The following TAFA1 variants were observed in gnomAD, a reference collection of about 807,000 sequenced individuals.
TAFA1 encodes chemokine-like protein TAFA-1.
A neutral mutation model predicts 18.5 loss-of-function variants in TAFA1; 4 were observed. The ratio of observed to expected loss-of-function variants is 0.22; its 90% confidence interval spans 0.11 to 0.49. The LOEUF is 0.49. TAFA1 is among the 20% of genes least tolerant of loss of function. The pLI, the probability that TAFA1 is intolerant of heterozygous loss-of-function variation, is 0.98. For missense variants in TAFA1, 147 were observed against 169.0 expected (o/e 0.87, Z 0.72); for synonymous variants, 56 against 55.2 (o/e 1.01, Z -0.06).
At chr3:68,309,023 A>G (rs1406333705) in intron 2 of TAFA1, among the ~76,000 whole-genome samples, 1 of 151,920 alleles carries the variant, frequency 6.6e-6, no homozygotes, top group Non-Finnish European at 1.5e-5. Context: ...CAGAAACCTT[A>G]CCCTTGATCT....
chr3:68,062,542 C>A (rs1048636115), intron 2 of TAFA1, among the ~76,000 whole-genome samples: 3 of 152,154 alleles, frequency 2.0e-5, no homozygotes, highest in African/African-American at 7.2e-5. Flanking sequence ...AAAGCAGGTT[C>A]TTGACCAAAC....
intron 2 of TAFA1, among the ~76,000 whole-genome samples, chr3:68,284,104 G>A (rs2067954131): frequency 6.6e-6 from 1 of 152,146 alleles, no homozygotes; most frequent in Non-Finnish European, 1.5e-5. Flanking sequence ...TTGAAAGACA[G>A]AAGAATTAAA....
At chr3:68,170,406 C>CA (rs1267301960) in intron 2 of TAFA1, among the ~76,000 whole-genome samples, 2 of 152,206 alleles carry the variant, frequency 1.3e-5, no homozygotes, top group Admixed American at 6.5e-5. Context: ...GGGTGTTTGT[C>CA]AAAAATAATC....
chr3:68,227,809 TG>T (rs1211512904), intron 2 of TAFA1, among the ~76,000 whole-genome samples: 1 of 152,188 alleles, frequency 6.6e-6, no homozygotes, highest in Non-Finnish European at 1.5e-5. Context: ...TGGGAGCATC[TG>T]GGGCTTTTCA....
intron 2 of TAFA1, chr3:68,145,061 T>C: frequency 6.2e-7 from 1 of 1,601,968 alleles, no homozygotes; most frequent in Non-Finnish European, 8.6e-7. Context: ...GCTGGATCAG[T>C]GCGAGAACCA....
intron 3 of TAFA1, among the ~76,000 whole-genome samples, chr3:68,477,450 C>T (rs1559685677): frequency 2.0e-5 from 3 of 152,130 alleles, no homozygotes; most frequent in Non-Finnish European, 1.5e-5. Flanking sequence ...TCTCAGCTAA[C>T]TGCAACCTCC....
chr3:67,993,586 A>G, the TAFA1 span, among the ~76,000 whole-genome samples: 21 of 152,196 alleles, frequency 1.4e-4, no homozygotes, highest in Non-Finnish European at 2.1e-4. Context: ...ATACCATACT[A>G]CAGGGGGAAA....
At chr3:68,360,426 G>A (rs1479561128) in intron 2 of TAFA1, among the ~76,000 whole-genome samples, 1 of 151,902 alleles carries the variant, frequency 6.6e-6, no homozygotes, top group Non-Finnish European at 1.5e-5. Flanking sequence ...GCATAACTAA[G>A]TTTTCATCAT....
intron 2 of TAFA1, among the ~76,000 whole-genome samples, chr3:68,335,687 G>A (rs986092753): frequency 2.6e-5 from 4 of 152,068 alleles, no homozygotes; most frequent in Non-Finnish European, 4.4e-5. Context: ...AACTTTGGTA[G>A]GTTGAGTTCG....
chr3:68,136,196 T>G (rs149741972), intron 2 of TAFA1, among the ~76,000 whole-genome samples: 1 of 152,270 alleles, frequency 6.6e-6, no homozygotes, highest in East Asian at 1.9e-4. Context: ...CTATATTTCC[T>G]TCACACTGGC....
chr3:68,097,201 T>C (rs2065096244), intron 2 of TAFA1, among the ~76,000 whole-genome samples: 4 of 152,042 alleles, frequency 2.6e-5, no homozygotes, highest in South Asian at 4.2e-4. Context: ...TAACCTGGGG[T>C]TGGGTTTCAC....
intron 2 of TAFA1, among the ~76,000 whole-genome samples, chr3:68,110,495 C>A (rs1019176825): frequency 6.6e-6 from 1 of 151,874 alleles, no homozygotes; most frequent in Non-Finnish European, 1.5e-5. Context: ...GGGTATATAC[C>A]CAGTATAGGA....
chr3:68,421,060 A>G (rs956281562), intron 3 of TAFA1, among the ~76,000 whole-genome samples: 1 of 152,226 alleles, frequency 6.6e-6, no homozygotes, highest in Non-Finnish European at 1.5e-5. Context: ...TGATCTAGAA[A>G]TAGAATTGCC....
intron 2 of TAFA1, among the ~76,000 whole-genome samples, chr3:68,249,257 C>T (rs765973309): frequency 6.6e-6 from 1 of 152,120 alleles, no homozygotes; most frequent in Non-Finnish European, 1.5e-5. Context: ...TCCCCTAGTC[C>T]CTGACTCTGC....
rs543642390 is a variant in TAFA1 at position 68,294,997 on chromosome 3, A to T, written c.119-122283A>T. ...GGTTCACAGGGAAGAATCTGAATTTAGAGTCAGAAGCTCTAGGTGTGAACT... is the reference window on the plus strand; with the variant it reads ...GGTTCACAGGGAAGAATCTGAATTTTGAGTCAGAAGCTCTAGGTGTGAACT... On this transcript the variant is annotated intron_variant, in intron 2 of 4. Transcript: ENST00000478136. Among the ~76,000 whole-genome samples the T allele has an allele frequency of 5.3e-5, 8 of 152,340 alleles. No homozygotes were observed. In the South Asian group the frequency reaches 1.7e-3, roughly 32 times the overall value.
chr3:68,270,166 G>A (rs768446966), intron 2 of TAFA1, among the ~76,000 whole-genome samples: 1 of 152,114 alleles, frequency 6.6e-6, no homozygotes, highest in Non-Finnish European at 1.5e-5. Flanking sequence ...ATCTATACAA[G>A]TTCCGGCACT....
chr3:68,303,851 G>A (rs113034208), intron 2 of TAFA1, among the ~76,000 whole-genome samples: 3 of 152,146 alleles, frequency 2.0e-5, no homozygotes, highest in African/African-American at 7.2e-5. Context: ...CCAGGAAACC[G>A]CAGCCCTTTT....
chr3:68,289,184 TA>T (rs2068068216), intron 2 of TAFA1, among the ~76,000 whole-genome samples: 1 of 152,232 alleles, frequency 6.6e-6, no homozygotes, highest in Admixed American at 6.5e-5. Flanking sequence ...GAATTGTTTA[TA>T]TACAGTCTTT....
chr3:68,402,267 C>T (rs1428571017), intron 2 of TAFA1, among the ~76,000 whole-genome samples: 1 of 152,128 alleles, frequency 6.6e-6, no homozygotes, highest in East Asian at 1.9e-4. Context: ...TGCTGACATG[C>T]CTGGAGAGGG....
Sources: allele counts gnomAD v4.1 joint callset (sites outside exome capture counted in the v4.1 genomes callset), GRCh38; gene constraint gnomAD v4.1.1; transcripts MANE v1.5; gene names NCBI Gene and HGNC (gene_info 2026-07-23, HGNC 2026-07-21).